Variants in ZAR1L observed in about 807,000 individuals in gnomAD.
ZAR1L encodes protein ZAR1-like.
In ZAR1L, 16 loss-of-function variants were observed where a neutral mutation model predicts 30.0. The observed-to-expected ratio is 0.53, with a 90% confidence interval of 0.36 to 0.81. The LOEUF (loss-of-function observed/expected upper bound fraction) is 0.81. ZAR1L is among the 30% of genes least tolerant of loss of function. The pLI is 0.00. For synonymous variants in ZAR1L, 197 were observed against 166.8 expected (o/e 1.18, Z -1.40); for missense variants, 392 against 417.2 (o/e 0.94, Z 0.53).
At chr13:32,308,580 A>G in intron 5 of ZAR1L, 106 bp downstream of exon 5, 1 of 762,520 alleles carries the variant, frequency 1.3e-6, no homozygotes, top group South Asian at 1.7e-5. Context: ...AACATACAGA[A>G]CACTCACATA....
Position 32,311,512 on chromosome 13 carries a change from G to C in ZAR1L, c.414C>G (p.Gly138=), listed in dbSNP as rs1429853283. The C allele has an allele frequency of 2.6e-6, 4 of 1,539,252 alleles. No individual in the cohort carries two copies. Among genetic ancestry groups the C allele is most frequent in the Non-Finnish European group, 3.5e-6 (4 of 1,142,254 alleles). Reference sequence around the variant, plus strand: ...TCCGCAGGCGGATCAAGCCCCTGCGGCCGGTGGCGGGCGAAGTGACCCCAC... The same window carrying C: ...TCCGCAGGCGGATCAAGCCCCTGCGCCCGGTGGCGGGCGAAGTGACCCCAC... ...PACGVTSPAT[G]RRGLIRLRRD... The change falls in exon 3 of 6, where the codon GGC becomes GGG. Residue 138 remains glycine (G), a synonymous_variant. Transcript: ENST00000533490.
At chr13:32,304,883 A>G (rs915927804) in intron 5 of ZAR1L, among the ~76,000 whole-genome samples, 2 of 145,908 alleles carry the variant, frequency 1.4e-5, no homozygotes, top group Non-Finnish European at 3.0e-5. Context: ...ATCTTGGCTC[A>G]CTGCAACCTC....
In ZAR1L at chr13:32,315,350, T is replaced by C. The variant is rs956505048; in HGVS notation, c.-425A>G. ...GCTTTATTCGGTCAGATACTGACGGTTGGGATGCCTGACAAGGAATTTCCT... is the reference window on the plus strand; with the variant it reads ...GCTTTATTCGGTCAGATACTGACGGCTGGGATGCCTGACAAGGAATTTCCT... On this transcript the variant is annotated 5_prime_UTR_variant, in exon 1 of 6. Transcript: ENST00000533490. 1.3e-5 allele frequency: 2 copies of C among 152,256 alleles called. No individual in the cohort carries two copies. The highest frequency in any genetic ancestry group is 1.9e-4 in the East Asian group (1 of 5,198). 9.4% of individuals were successfully genotyped at this position (152,256 alleles called of 1,614,324 possible). A position where few individuals can be genotyped will look rare whatever the true frequency, so the allele number is the denominator to read the frequency against.
Position 32,311,520 on chromosome 13 carries a change from C to T in ZAR1L, c.406G>A (p.Ala136Thr). ...CGGATCAAGCCCCTGCGGCCGGTGG[C>T]GGGCGAAGTGACCCCACAGGCTGGC... ...PLPACGVTSPATGRRGLIRLR... is the reference protein window; with the variant it reads ...PLPACGVTSPTTGRRGLIRLR... Residue 136 changes from alanine to threonine, a missense_variant, in exon 3 of 6, where the codon GCC (alanine) becomes ACC (threonine). Coordinates refer to ENST00000533490, the MANE Select transcript of ZAR1L (RefSeq NM_001136571.2). 3.9e-6 allele frequency: 6 copies of T among 1,535,736 alleles called. No homozygotes were observed. The highest frequency in any genetic ancestry group is 5.3e-6 in the Non-Finnish European group (6 of 1,140,410).
chr13:32,305,451 C>T (rs1397239889), intron 5 of ZAR1L, among the ~76,000 whole-genome samples: 1 of 152,074 alleles, frequency 6.6e-6, no homozygotes, highest in African/African-American at 2.4e-5. Context: ...TGGTATCGAT[C>T]TCCTGACCTC....
intron 2 of ZAR1L, among the ~76,000 whole-genome samples, chr13:32,313,826 T>TG (rs374407700): frequency 2.0e-5 from 3 of 152,152 alleles, no homozygotes; most frequent in African/African-American, 7.2e-5. Flanking sequence ...CATAAAGGTA[T>TG]GGGGGGCTGT....
At chr13:32,311,074 GT>G (rs35066238) in intron 3 of ZAR1L, among the ~76,000 whole-genome samples, 197 bp downstream of exon 3, 83,558 of 151,968 alleles carry the variant, frequency 0.55, 23,260 homozygotes, top group East Asian at 0.64. Context: ...CACAGGCTTA[GT>G]TTGGGTTGGC....
intron 5 of ZAR1L, among the ~76,000 whole-genome samples, chr13:32,306,747 A>C (rs137981475): frequency 3.8e-3 from 582 of 152,260 alleles, no homozygotes; most frequent in Non-Finnish European, 6.7e-3. Flanking sequence ...CCTGGCCAAC[A>C]TGGAGAAACC....
chr13:32,304,288 G>C lies in ZAR1L; in HGVS notation c.823-266C>G, dbSNP rs181090042. Among the ~76,000 whole-genome samples, 579 of 152,300 alleles carry C rather than the reference G, an allele frequency of 3.8e-3. 2 individuals are homozygous for C. Among genetic ancestry groups the C allele is most frequent in the African/African-American group, 0.014 (564 of 41,558 alleles). ...AACATAATGTAAAAGGAATTTAAGA[G>C]TTTTGTAGAATTTCTTCCCTATGTA... On this transcript the variant is annotated intron_variant, in intron 5 of 5. Coordinates refer to ENST00000533490, the MANE Select transcript of ZAR1L (RefSeq NM_001136571.2).
Position 32,311,555 on chromosome 13 carries a change from T to TG in ZAR1L, c.370dup (p.Gln124ProfsTer53), listed in dbSNP as rs1000775109. 21 of 1,534,004 alleles carry TG rather than the reference T, an allele frequency of 1.4e-5. No homozygotes were observed. Among genetic ancestry groups the TG allele is most frequent in the African/African-American group, 4.1e-5 (3 of 72,586 alleles). On this transcript the variant is annotated frameshift_variant, in exon 3 of 6. Transcript: ENST00000533490. LOFTEE classifies it high-confidence loss of function. ...GACCCCACAGGCTGGCAGGGGCTCC[T>TG]GGGGGTCTCTGCCGTCCCAGGGGGA...
At chr13:32,313,828 G>A (rs1593877881) in intron 2 of ZAR1L, among the ~76,000 whole-genome samples, 1 of 152,326 alleles carries the variant, frequency 6.6e-6, no homozygotes, top group East Asian at 1.9e-4. Context: ...TAAAGGTATG[G>A]GGGGCTGTAT....
Position 32,311,812 on chromosome 13 carries a change from C to T in ZAR1L, c.114G>A (p.Met38Ile). The change falls in exon 3 of 6, where the codon ATG becomes ATA. Residue 38 changes from methionine to isoleucine, a missense_variant. By Grantham distance (10) the Met-to-Ile change is conservative. Transcript: ENST00000533490. ...GHKQPDWRQN[M>I]GPPTFLARPG... is the part of the protein sequence containing the mutation. ...GCCTGGCCAGAAAAGTGGGAGGACC[C>T]ATATTTTGCCTCCAGTCGGGCTGTT... 6.4e-7 allele frequency: 1 copy of T among 1,551,680 alleles called. No homozygotes were observed. The highest frequency in any genetic ancestry group is 8.7e-7 in the Non-Finnish European group (1 of 1,147,014).
rs772652099 is a variant in ZAR1L, at chr13:32,311,593, G to A, written c.333C>T (p.Thr111=). The A allele has an allele frequency of 2.4e-5, 37 of 1,544,684 alleles. No homozygotes were observed. In the South Asian group the frequency reaches 4.2e-4, roughly 17 times the overall value. ...KAVQCSLGPR[T]LSSCSPWDGR... is the part of the protein sequence containing the mutation. Reference sequence around the variant, plus strand: ...CGTCCCAGGGGGAGCAGCTGCTGAGGGTGCGAGGCCCCAGAGAGCACTGCA... The same window carrying A: ...CGTCCCAGGGGGAGCAGCTGCTGAGAGTGCGAGGCCCCAGAGAGCACTGCA... The change falls in exon 3 of 6, where the codon ACC becomes ACT. Residue 111 remains threonine, a synonymous_variant. Transcript: ENST00000533490.
At position 32,304,102 on chromosome 13, in the gene ZAR1L, T is replaced by A. The variant is rs74044988; in HGVS notation, c.823-80A>T. 6.1e-5 allele frequency: 87 copies of A among 1,431,778 alleles called. No individual in the cohort carries two copies. In the African/African-American group the frequency reaches 1.2e-3, roughly 19 times the overall value. The allele number at this position is 1,431,778 out of a possible 1,614,324, so 88.7% of individuals were successfully genotyped here. A position where few individuals can be genotyped will look rare whatever the true frequency, so the allele number is the denominator to read the frequency against. ...TGTAACCCTCAAATCACAGTACTTC[T>A]CCCTATTACCCTATCCCTGAAACCT... On this transcript the variant is annotated intron_variant, in intron 5 of 5. Coordinates refer to ENST00000533490, the MANE Select transcript of ZAR1L (RefSeq NM_001136571.2).
Position 32,311,353 on chromosome 13 carries a change from G to A in ZAR1L, c.573C>T (p.Asp191=), listed in dbSNP as rs750925355. 14 of 1,550,952 alleles carry A rather than the reference G, an allele frequency of 9.0e-6. No individual in the cohort carries two copies. Among genetic ancestry groups the A allele is most frequent in the Middle Eastern group, 1.7e-4 (1 of 5,986 alleles). ...TCTTCGTCTCCTGAGGGCACGGGGCGTCTTTCTCCCCCGATTCCTCCAGCT... is the reference window on the plus strand; with the variant it reads ...TCTTCGTCTCCTGAGGGCACGGGGCATCTTTCTCCCCCGATTCCTCCAGCT... The part of the protein sequence containing the change: ...PGQLEESGEK[D]APCPQETKSK... Residue 191 remains aspartate (D), a synonymous_variant, in exon 3 of 6, where the codon GAC becomes GAT. Transcript: ENST00000533490.
At chr13:32,305,447 C>T (rs192749308) in intron 5 of ZAR1L, among the ~76,000 whole-genome samples, 232 of 151,710 alleles carry the variant, frequency 1.5e-3, no homozygotes, top group African/African-American at 5.3e-3. Flanking sequence ...AGGGTGGTAT[C>T]GATCTCCTGA....
intron 5 of ZAR1L, among the ~76,000 whole-genome samples, chr13:32,307,830 T>C (rs2072187414): frequency 6.6e-6 from 1 of 152,068 alleles, no homozygotes; most frequent in South Asian, 2.1e-4. Context: ...TGAGATGGAG[T>C]CTTGCTCTGT....
chr13:32,311,557 G>A lies in ZAR1L; in HGVS notation c.369C>T (p.Pro123=), dbSNP rs1593876391. The A allele has an allele frequency of 1.3e-6, 2 of 1,534,916 alleles. No individual in the cohort carries two copies. The highest frequency in any genetic ancestry group is 1.7e-4 in the Middle Eastern group (1 of 5,818). Residue 123 remains proline (P), a synonymous_variant, in exon 3 of 6, where the codon CCC becomes CCT. Coordinates refer to ENST00000533490, the MANE Select transcript of ZAR1L (RefSeq NM_001136571.2). ...SSCSPWDGRD[P]QEPLPACGVT... is the part of the protein sequence containing the mutation. ...CCCCACAGGCTGGCAGGGGCTCCTG[G>A]GGGTCTCTGCCGTCCCAGGGGGAGC...
At chr13:32,308,381 T>G (rs2072190592) in intron 5 of ZAR1L, among the ~76,000 whole-genome samples, 1 of 152,154 alleles carries the variant, frequency 6.6e-6, no homozygotes, top group African/African-American at 2.4e-5. Context: ...ATCTCAAAAT[T>G]TGGCATGTAG....
Sources: allele counts gnomAD v4.1 joint callset (sites outside exome capture counted in the v4.1 genomes callset), GRCh38; gene constraint gnomAD v4.1.1; transcripts MANE v1.5; gene names NCBI Gene and HGNC (gene_info 2026-07-23, HGNC 2026-07-21).